Variants in DLGAP2 observed in about 807,000 individuals in gnomAD.
The protein encoded by DLGAP2 is DLG associated protein 2.
DLGAP2 carries 26 observed loss-of-function variants against 100.3 expected under a neutral mutation model. The ratio of observed to expected loss-of-function variants is 0.26; its 90% confidence interval spans 0.19 to 0.36. DLGAP2 has a LOEUF of 0.36. Ranked by LOEUF, DLGAP2 falls within the 10% of genes least tolerant of loss-of-function variation. DLGAP2 has a pLI of 1.00. For missense variants in DLGAP2, 1,858 were observed against 1,453.2 expected (o/e 1.28, Z -4.53); for synonymous variants, 886 against 630.1 (o/e 1.41, Z -6.08).
At chr8:1,259,950 C>T (rs115240181) in intron 3 of DLGAP2, 227 of 152,298 alleles carry the variant, frequency 1.5e-3, no homozygotes, top group African/African-American at 5.2e-3. Context: ...ATGGTAAAGT[C>T]AGTCACTGTA....
At chr8:1,044,055 G>A (rs552780394) in intron 2 of DLGAP2, among the ~76,000 whole-genome samples, 3 of 152,186 alleles carry the variant, frequency 2.0e-5, no homozygotes, top group East Asian at 1.9e-4. Flanking sequence ...GCCCTGCCAC[G>A]CCACGCTGTG....
chr8:805,375 T>G (rs1228169573), intron 1 of DLGAP2, among the ~76,000 whole-genome samples: 1 of 152,176 alleles, frequency 6.6e-6, no homozygotes, highest in Admixed American at 6.5e-5. Context: ...GGGAGTTTCT[T>G]TGGGGCTGGG....
intron 3 of DLGAP2, among the ~76,000 whole-genome samples, chr8:1,314,944 C>T (rs1041937036): frequency 1.3e-5 from 2 of 152,230 alleles, no homozygotes; most frequent in East Asian, 3.8e-4. Context: ...GGGGAAGGCG[C>T]AAGATGCCCT....
At position 943,712 on chromosome 8, in the gene DLGAP2, G is replaced by A. The variant is rs145661380; in HGVS notation, c.73+35746G>A. 1.8e-4 allele frequency among the ~76,000 whole-genome samples: 28 copies of A among 151,650 alleles called. 1 individual carries two copies. The East Asian group carries it at 4.2e-3, about 22-fold the overall frequency. On this transcript the variant is annotated intron_variant, in intron 2 of 14. Transcript: ENST00000637795. ...GTGGAGGATCTGGCATGTAGACGTC[G>A]TGATGTGGCCATCCCGCCACAAGCA...
intron 1 of DLGAP2, among the ~76,000 whole-genome samples, chr8:835,855 A>T (rs1796863681): frequency 6.6e-6 from 1 of 152,148 alleles, no homozygotes; most frequent in Non-Finnish European, 1.5e-5. Flanking sequence ...GTGTGGGTCC[A>T]GGCTCACCGT....
chr8:1,376,245 C>T (rs1335615199), intron 3 of DLGAP2, among the ~76,000 whole-genome samples: 1 of 152,234 alleles, frequency 6.6e-6, no homozygotes, highest in African/African-American at 2.4e-5. Flanking sequence ...GTGAAGGGCC[C>T]GGGACGTGCT....
chr8:1,695,906 G>C (rs569023806), intron 13 of DLGAP2, among the ~76,000 whole-genome samples: 1 of 152,200 alleles, frequency 6.6e-6, no homozygotes, highest in South Asian at 2.1e-4. Context: ...GGCCAGGGCC[G>C]CCCTCCTGGG....
chr8:1,492,630 G>A (rs1462015832), intron 3 of DLGAP2, among the ~76,000 whole-genome samples: 1 of 152,206 alleles, frequency 6.6e-6, no homozygotes, highest in Non-Finnish European at 1.5e-5. Context: ...CTCCCCCCAC[G>A]AAGAGGTGCC....
At chr8:1,651,111 C>T (rs17064159) in intron 8 of DLGAP2, among the ~76,000 whole-genome samples, 3 of 152,066 alleles carry the variant, frequency 2.0e-5, no homozygotes, top group Non-Finnish European at 4.4e-5. Flanking sequence ...TACCATCCAG[C>T]GTCCACATTC....
intron 1 of DLGAP2, among the ~76,000 whole-genome samples, chr8:904,277 T>C (rs975545277): frequency 6.6e-6 from 1 of 152,106 alleles, no homozygotes; most frequent in Non-Finnish European, 1.5e-5. Flanking sequence ...CCCAGCACTT[T>C]GGGAGGCCGA....
chr8:1,179,476 T>G (rs1373499254), intron 2 of DLGAP2, among the ~76,000 whole-genome samples: 1 of 152,244 alleles, frequency 6.6e-6, no homozygotes, highest in African/African-American at 2.4e-5. Flanking sequence ...CCCAGCAGGC[T>G]CTGCAAGAGA....
chr8:1,383,258 G>T (rs1010528246), intron 3 of DLGAP2, among the ~76,000 whole-genome samples: 4 of 152,180 alleles, frequency 2.6e-5, no homozygotes, highest in Admixed American at 6.5e-5. Context: ...AAGTCATCAA[G>T]TTCTAAGGTT....
intron 3 of DLGAP2, among the ~76,000 whole-genome samples, chr8:1,291,866 C>G (rs1055444116): frequency 3.3e-5 from 5 of 152,312 alleles, no homozygotes; most frequent in Admixed American, 6.5e-5. Context: ...AGTCTAATCA[C>G]CCAGCCTTCT....
At chr8:1,580,536 G>A (rs1371996872) in intron 6 of DLGAP2, among the ~76,000 whole-genome samples, 3 of 152,180 alleles carry the variant, frequency 2.0e-5, no homozygotes, top group African/African-American at 4.8e-5. Flanking sequence ...CCAGAAAGAC[G>A]AAAGCAGAGC....
chr8:845,715 G>C (rs1277308421), intron 1 of DLGAP2, among the ~76,000 whole-genome samples: 1 of 152,146 alleles, frequency 6.6e-6, no homozygotes, highest in Non-Finnish European at 1.5e-5. Context: ...TTTTGATGTT[G>C]TATTTAAGAT....
chr8:1,607,774 G>T (rs1416557693), intron 6 of DLGAP2, among the ~76,000 whole-genome samples: 3 of 152,184 alleles, frequency 2.0e-5, no homozygotes, highest in Non-Finnish European at 4.4e-5. Context: ...AAAGAAAGGG[G>T]TGACGGACGC....
chr8:1,261,428 G>C (rs898629897), intron 3 of DLGAP2, among the ~76,000 whole-genome samples: 38 of 145,168 alleles, frequency 2.6e-4, no homozygotes, highest in East Asian at 8.3e-4. Context: ...TCTTTAAAAC[G>C]AGACAGACTG....
At chr8:1,468,601 C>T (rs1015883343) in intron 3 of DLGAP2, among the ~76,000 whole-genome samples, 48 of 152,364 alleles carry the variant, frequency 3.2e-4, no homozygotes, top group African/African-American at 1.1e-3. Flanking sequence ...GGCATCCCTC[C>T]ACCCTTGAAG....
chr8:1,574,819 A>T (rs757918067), intron 6 of DLGAP2, among the ~76,000 whole-genome samples: 5 of 152,212 alleles, frequency 3.3e-5, no homozygotes, highest in Non-Finnish European at 5.9e-5. Flanking sequence ...AAACCCACGA[A>T]CATACGTGTG....
Sources: gnomAD v4.1 joint callset for allele counts (sites outside exome capture counted in the v4.1 genomes callset) on GRCh38, gnomAD v4.1.1 for gene constraint, MANE v1.5 for transcripts, NCBI Gene and HGNC (gene_info 2026-07-23, HGNC 2026-07-21) for gene names.